P2RY8: variants seen among roughly 807,000 people sequenced by gnomAD.
P2RY8 encodes the protein S-geranylgeranyl-glutathione receptor P2RY8.
P2RY8 carries 6 observed loss-of-function variants against 10.0 expected under a neutral mutation model. The observed-to-expected ratio is 0.60, with a 90% CI of 0.33 to 1.19. P2RY8 has a LOEUF of 1.19. Ranked by LOEUF, P2RY8 falls within the 50% of genes most tolerant of loss-of-function variation. The pLI is 0.04. For synonymous variants in P2RY8, 276 were observed against 252.5 expected (o/e 1.09, Z -0.88); for missense variants, 456 against 542.0 (o/e 0.84, Z 1.58).
intron 1 of P2RY8, among the ~76,000 whole-genome samples, chrX:1,534,359 T>C (rs2092509070): frequency 6.6e-6 from 1 of 151,148 alleles, no homozygotes; most frequent in South Asian, 2.1e-4. Context: ...GGGAGCGACA[T>C]TGTGAACCGC....
At chrX:1,498,068 A>T (rs2092134391) in intron 1 of P2RY8, among the ~76,000 whole-genome samples, 1 of 151,976 alleles carries the variant, frequency 6.6e-6, no homozygotes, top group Admixed American at 6.6e-5. Context: ...TGCCCTGGAG[A>T]CTCAAGCTGC....
intron 1 of P2RY8, among the ~76,000 whole-genome samples, chrX:1,497,620 G>A (rs1233961073): frequency 2.7e-5 from 4 of 146,094 alleles, no homozygotes; most frequent in African/African-American, 5.1e-5. Flanking sequence ...ACCGTGCCAC[G>A]GCACTCCAGC....
rs374107085 is a variant in P2RY8, at chrX:1,483,587, T to C, written c.-24-17005A>G. On this transcript the variant is annotated intron_variant, in intron 1 of 1. Coordinates refer to ENST00000381297, the MANE Select transcript of P2RY8 (RefSeq NM_178129.5). ...AGGCAGAGGTCGCGGTGAGCCAACA[T>C]TGCGCCACTGCACTCCAGCCTGGGC... Among the ~76,000 whole-genome samples the C allele has an allele frequency of 3.3e-5, 5 of 152,014 alleles. No homozygotes were observed. The South Asian group carries it at 8.3e-4, about 25-fold the overall frequency.
At chrX:1,510,904 C>A (rs1259550651) in intron 1 of P2RY8, among the ~76,000 whole-genome samples, 1 of 144,962 alleles carries the variant, frequency 6.9e-6, no homozygotes, top group Non-Finnish European at 1.5e-5. Flanking sequence ...AGAGGCCAGG[C>A]ACAGTGGCTC....
At chrX:1,509,741 G>GTATC (rs771117216) in intron 1 of P2RY8, among the ~76,000 whole-genome samples, 9 of 39,048 alleles carry the variant, frequency 2.3e-4, no homozygotes, top group African/African-American at 3.2e-4. Context: ...ATCTATCTAT[G>GTATC]TATCTATCTG....
At chrX:1,468,546 C>T (rs1368375882) in intron 1 of P2RY8, among the ~76,000 whole-genome samples, 2 of 152,116 alleles carry the variant, frequency 1.3e-5, no homozygotes, top group Non-Finnish European at 2.9e-5. Flanking sequence ...CACAGGCTTG[C>T]GGTTTGGGCC....
chrX:1,486,654 C>T (rs2091988820), intron 1 of P2RY8, among the ~76,000 whole-genome samples: 1 of 152,184 alleles, frequency 6.6e-6, no homozygotes, highest in African/African-American at 2.4e-5. Flanking sequence ...CGGCTGTTGC[C>T]CAGCACTGTG....
chrX:1,531,092 A>ATCTATCTATCTG (rs1556687301), intron 1 of P2RY8, among the ~76,000 whole-genome samples: 1 of 151,666 alleles, frequency 6.6e-6, no homozygotes, highest in Middle Eastern at 3.4e-3. Context: ...CTATCTATCT[A>ATCTATCTATCTG]TCTATCTAAT....
At chrX:1,507,647 C>T (rs1450163269) in intron 1 of P2RY8, among the ~76,000 whole-genome samples, 2 of 152,122 alleles carry the variant, frequency 1.3e-5, no homozygotes, top group East Asian at 1.9e-4. Context: ...CCCCACGTGC[C>T]GGCCCCTCCT....
At chrX:1,506,859 G>T (rs2092238690) in intron 1 of P2RY8, among the ~76,000 whole-genome samples, 1 of 151,794 alleles carries the variant, frequency 6.6e-6, no homozygotes, top group Non-Finnish European at 1.5e-5. Flanking sequence ...TGTATTTTTA[G>T]TAGAGACGGG....
chrX:1,523,048 G>A (rs5989788), intron 1 of P2RY8, among the ~76,000 whole-genome samples: 118,222 of 150,516 alleles, frequency 0.79, 46,692 homozygotes, highest in East Asian at 0.98. Flanking sequence ...CAGCCTGGGC[G>A]ACAGAGAGAG....
At chrX:1,526,893 T>C (rs1187162423) in intron 1 of P2RY8, among the ~76,000 whole-genome samples, 1 of 152,166 alleles carries the variant, frequency 6.6e-6, no homozygotes, top group Non-Finnish European at 1.5e-5. Flanking sequence ...TTCATTTCTT[T>C]TCTTTTCTTT....
At chrX:1,472,373 T>C (rs1385239493) in intron 1 of P2RY8, among the ~76,000 whole-genome samples, 1 of 147,064 alleles carries the variant, frequency 6.8e-6, no homozygotes, top group South Asian at 2.2e-4. Context: ...AATGGATGGA[T>C]GGGTGGGTGG....
At chrX:1,471,309 A>ATT (rs1159260456) in intron 1 of P2RY8, among the ~76,000 whole-genome samples, 17,910 of 99,550 alleles carry the variant, frequency 0.18, 3,953 homozygotes, top group East Asian at 0.37. Flanking sequence ...CGCCCAGCCC[A>ATT]TTTTTTTTTT....
chrX:1,477,298 T>TCAATCATCTATCAAACAGA (rs1556675970), intron 1 of P2RY8, among the ~76,000 whole-genome samples: 1 of 151,844 alleles, frequency 6.6e-6, no homozygotes, highest in South Asian at 2.1e-4. Flanking sequence ...TCTATCTATA[T>TCAATCATCTATCAAACAGA]CAATCGTCTT....
intron 1 of P2RY8, among the ~76,000 whole-genome samples, chrX:1,467,427 A>G (rs1311545866): frequency 1.3e-5 from 2 of 152,122 alleles, no homozygotes; most frequent in African/African-American, 2.4e-5. Flanking sequence ...TGTGAAACCT[A>G]CAGTTATGCA....
At chrX:1,514,776 TCCCC>T in intron 1 of P2RY8, among the ~76,000 whole-genome samples, 3 of 81,160 alleles carry the variant, frequency 3.7e-5, no homozygotes, top group Non-Finnish European at 4.9e-5. Context: ...TTTCCTTTCC[TCCCC>T]TCCCTTCCTT....
At chrX:1,532,323 C>CGTATATATACATATATGTATATGATGT (rs2092481094) in intron 1 of P2RY8, among the ~76,000 whole-genome samples, 1 of 145,326 alleles carries the variant, frequency 6.9e-6, no homozygotes, top group African/African-American at 2.5e-5. Flanking sequence ...TATACACACA[C>CGTATATATACATATATGTATATGATGT]GTATATATAC....
intron 1 of P2RY8, among the ~76,000 whole-genome samples, chrX:1,487,575 G>T (rs2091997959): frequency 6.6e-6 from 1 of 152,060 alleles, no homozygotes; most frequent in Admixed American, 6.6e-5. Context: ...CATCTGAGTG[G>T]AAACACACCT....
Sources: allele counts gnomAD v4.1 joint callset (sites outside exome capture counted in the v4.1 genomes callset), GRCh38; gene constraint gnomAD v4.1.1; transcripts MANE v1.5; gene names NCBI Gene and HGNC (gene_info 2026-07-23, HGNC 2026-07-21).